The following TRPM3 variants were observed in gnomAD, a reference collection of about 807,000 sequenced individuals.
TRPM3 encodes the protein transient receptor potential cation channel subfamily M member 3.
A neutral mutation model predicts 181.2 loss-of-function variants in TRPM3; 77 were observed. That is an observed-to-expected ratio of 0.42 (90% CI 0.35 to 0.51). The LOEUF is 0.51. Ranked by LOEUF, TRPM3 falls within the 20% of genes least tolerant of loss-of-function variation. The pLI is 0.01. For synonymous variants in TRPM3, 745 were observed against 796.4 expected, an observed-to-expected ratio of 0.94 and a Z score of 1.09; for missense variants, 1,759 against 2,196.7, an observed-to-expected ratio of 0.80 and a Z score of 3.98.
intron 1 of TRPM3, among the ~76,000 whole-genome samples, chr9:71,058,956 G>T (rs1039298374): frequency 7.3e-6 from 1 of 136,608 alleles, no homozygotes; most frequent in Admixed American, 7.6e-5. Flanking sequence ...CTCCATTCAT[G>T]AATTGTTCTT....
Position 71,446,533 on chromosome 9 carries a change from C to A in TRPM3, c.183+120G>T, listed in dbSNP as rs553393385. 4.9e-6 allele frequency: 5 copies of A among 1,014,878 alleles called. No homozygotes were observed. The Admixed American group carries it at 1.2e-4, about 24-fold the overall frequency. 62.9% of individuals were successfully genotyped at this position (1,014,878 alleles called of 1,614,324 possible). A position where few individuals can be genotyped will look rare whatever the true frequency, so the allele number is the denominator to read the frequency against. On this transcript the variant is annotated intron_variant, in intron 1 of 24. Transcript: ENST00000357533. ...CAGCACTCTATTTCATTAGAAGCGGCGCCACAAGTTCCCTGGCTCTCACCC... is the reference window on the plus strand; with the variant it reads ...CAGCACTCTATTTCATTAGAAGCGGAGCCACAAGTTCCCTGGCTCTCACCC...
chr9:70,633,882 T>C (rs753783149), intron 12 of TRPM3, among the ~76,000 whole-genome samples: 1 of 152,172 alleles, frequency 6.6e-6, no homozygotes, highest in African/African-American at 2.4e-5. Context: ...GGCAAATGTG[T>C]GCATACATGT....
chr9:71,213,213 A>T (rs1426149330), intron 1 of TRPM3, among the ~76,000 whole-genome samples: 1 of 152,188 alleles, frequency 6.6e-6, no homozygotes, highest in Non-Finnish European at 1.5e-5. Flanking sequence ...CCATGTTTCA[A>T]TAAAATTTTC....
intron 1 of TRPM3, among the ~76,000 whole-genome samples, chr9:71,025,305 C>T (rs1036259607): frequency 1.3e-5 from 2 of 152,180 alleles, no homozygotes; most frequent in African/African-American, 4.8e-5. Flanking sequence ...TCTACAGACT[C>T]GTTCTGCTTC....
intron 1 of TRPM3, among the ~76,000 whole-genome samples, chr9:71,402,222 G>A (rs2093354012): frequency 6.6e-6 from 1 of 152,168 alleles, no homozygotes; most frequent in African/African-American, 2.4e-5. Flanking sequence ...ACTTGTATGT[G>A]TCTAGACAAT....
At chr9:70,613,620 T>A (rs989689319) in intron 18 of TRPM3, among the ~76,000 whole-genome samples, 2 of 152,238 alleles carry the variant, frequency 1.3e-5, no homozygotes, top group Non-Finnish European at 2.9e-5. Flanking sequence ...AGACAACTGC[T>A]GTCCAGCCCT....
intron 12 of TRPM3, among the ~76,000 whole-genome samples, chr9:70,628,865 C>G (rs866761408): frequency 6.8e-5 from 10 of 146,000 alleles, no homozygotes; most frequent in Non-Finnish European, 1.1e-4. Context: ...TAATACCAAG[C>G]CTAACACCTA....
chr9:70,937,744 C>G (rs2096842769), intron 1 of TRPM3, among the ~76,000 whole-genome samples: 1 of 152,002 alleles, frequency 6.6e-6, no homozygotes, highest in African/African-American at 2.4e-5. Flanking sequence ...GACTTGAACT[C>G]CTTTTTCAAA....
At chr9:71,171,424 A>T (rs1434675748) in intron 1 of TRPM3, among the ~76,000 whole-genome samples, 1 of 152,024 alleles carries the variant, frequency 6.6e-6, no homozygotes, top group Non-Finnish European at 1.5e-5. Context: ...CCGACATGTG[A>T]TGTCTCCCCC....
intron 1 of TRPM3, among the ~76,000 whole-genome samples, chr9:71,026,076 A>G (rs868802986): frequency 6.6e-6 from 1 of 152,186 alleles, no homozygotes; most frequent in African/African-American, 2.4e-5. Context: ...TGCCTAGAGA[A>G]GTAGTCGGGG....
chr9:71,121,039 C>T, intron 1 of TRPM3, 139 bp downstream of exon 1: 1 of 738,918 alleles, frequency 1.4e-6, no homozygotes, highest in East Asian at 2.8e-5. Flanking sequence ...CTGAGAACCT[C>T]TCTCCAGCCA....
chr9:71,409,897 TAAC>T (rs2093511736), intron 1 of TRPM3, among the ~76,000 whole-genome samples: 1 of 152,164 alleles, frequency 6.6e-6, no homozygotes, highest in African/African-American at 2.4e-5. Flanking sequence ...AAGGAAATCA[TAAC>T]AAACTGTGCC....
intron 1 of TRPM3, among the ~76,000 whole-genome samples, chr9:70,873,481 G>T (rs553352995): frequency 4.0e-5 from 6 of 151,874 alleles, no homozygotes; most frequent in Non-Finnish European, 8.8e-5. Flanking sequence ...ACAAATCTTC[G>T]TACACTTTAC....
intron 1 of TRPM3, among the ~76,000 whole-genome samples, chr9:71,144,140 T>C (rs1366541384): frequency 6.6e-6 from 1 of 152,186 alleles, no homozygotes; most frequent in Non-Finnish European, 1.5e-5. Flanking sequence ...CCTTACATTG[T>C]GGCCAAAACT....
intron 1 of TRPM3, among the ~76,000 whole-genome samples, chr9:71,221,146 T>C (rs1268028285): frequency 6.6e-6 from 1 of 152,200 alleles, no homozygotes; most frequent in South Asian, 2.1e-4. Context: ...AGGTACTAGA[T>C]TAGGTTTCTG....
intron 1 of TRPM3, among the ~76,000 whole-genome samples, chr9:71,020,142 G>T (rs1181207701): frequency 6.6e-6 from 1 of 151,050 alleles, no homozygotes; most frequent in Non-Finnish European, 1.5e-5. Context: ...TTTAAATGGG[G>T]GTGAAAAAAA....
chr9:71,193,885 G>A (rs2078180630), intron 1 of TRPM3, among the ~76,000 whole-genome samples: 2 of 151,988 alleles, frequency 1.3e-5, no homozygotes, highest in South Asian at 2.1e-4. Context: ...GGTTCTGTAT[G>A]TATCTCACAT....
intron 1 of TRPM3, among the ~76,000 whole-genome samples, chr9:71,114,119 T>TTATC (rs947726575): frequency 1.3e-5 from 2 of 152,178 alleles, no homozygotes; most frequent in African/African-American, 4.8e-5. Context: ...GTTATCTATT[T>TTATC]TATCTATCTA....
intron 1 of TRPM3, among the ~76,000 whole-genome samples, chr9:71,368,866 A>G (rs2092424220): frequency 6.6e-6 from 1 of 152,220 alleles, no homozygotes; most frequent in Non-Finnish European, 1.5e-5. Context: ...CTCAATTTCA[A>G]CAAATAAAAA....
Sources: allele counts gnomAD v4.1 joint callset (sites outside exome capture counted in the v4.1 genomes callset), GRCh38; gene constraint gnomAD v4.1.1; transcripts MANE v1.5; gene names NCBI Gene and HGNC (gene_info 2026-07-23, HGNC 2026-07-21).